GTPBP10: variants seen among roughly 807,000 people sequenced by gnomAD.
The protein encoded by GTPBP10 is GTP-binding protein 10.
In GTPBP10, 38 loss-of-function variants were observed where a neutral mutation model predicts 44.8. That is an observed-to-expected ratio of 0.85 (90% CI 0.65 to 1.11). The LOEUF (loss-of-function observed/expected upper bound fraction) is 1.11. Ranked by LOEUF, GTPBP10 falls within the 50% of genes most tolerant of loss-of-function variation. The probability of loss-of-function intolerance (pLI) is 0.00; values close to 1 mark genes in which losing one functional copy is unlikely to be tolerated. For missense variants in GTPBP10, 462 were observed against 453.7 expected, an observed-to-expected ratio of 1.02 and a Z score of -0.17; for synonymous variants, 152 against 150.6, an observed-to-expected ratio of 1.01 and a Z score of -0.07.
chr7:90,351,761 T>A (rs1342242324), intron 1 of GTPBP10, among the ~76,000 whole-genome samples: 1 of 152,176 alleles, frequency 6.6e-6, no homozygotes, highest in Non-Finnish European at 1.5e-5. Context: ...AGTGGCTTGA[T>A]CTCGGCCCAC....
Position 90,389,712 on chromosome 7 carries a change from A to G in GTPBP10, c.*4558A>G, listed in dbSNP as rs1354605667. On this transcript the variant is annotated 3_prime_UTR_variant, in exon 10 of 10. Coordinates refer to ENST00000222511, the MANE Select transcript of GTPBP10 (RefSeq NM_033107.4). ...TGGACAAAAAGTGTTGGCAGATAAC[A>G]TGCATAATTTTAATTAAAAGTTAAG... 1 of 144,756 alleles carries G rather than the reference A, an allele frequency of 6.9e-6. No homozygotes were observed. The highest frequency in any genetic ancestry group is 1.5e-5 in the Non-Finnish European group (1 of 65,572). 9.0% of individuals were successfully genotyped at this position (144,756 alleles called of 1,614,324 possible).
intron 2 of GTPBP10, 33 bp from the exon 3 acceptor site, chr7:90,354,415 TACACACACAC>T: frequency 2.1e-6 from 2 of 955,342 alleles, no homozygotes; most frequent in Middle Eastern, 5.4e-4. Flanking sequence ...TGTGTATATA[TACACACACAC>T]ATACATACAT....
In GTPBP10 at chr7:90,366,402, C is replaced by T. The variant is rs574762453; in HGVS notation, c.465-5753C>T. Among the ~76,000 whole-genome samples the T allele has an allele frequency of 3.1e-3, 467 of 152,202 alleles. 1 individual carries two copies. The highest frequency in any genetic ancestry group is 6.8e-3 in the Middle Eastern group (2 of 294). ...GTAGAATTGAGCTGTGAATCCACCT[C>T]GTCCTGGACTTTTTTTGGTTGGTAA... On this transcript the variant is annotated intron_variant, in intron 4 of 9. Coordinates refer to ENST00000222511, the MANE Select transcript of GTPBP10 (RefSeq NM_033107.4).
At chr7:90,359,368 A>G (rs1795969146) in intron 4 of GTPBP10, among the ~76,000 whole-genome samples, 2 of 150,338 alleles carry the variant, frequency 1.3e-5, no homozygotes, top group Admixed American at 1.3e-4. Flanking sequence ...TTCAGCTCCC[A>G]CTTAAGAGTG....
chr7:90,368,459 A>G (rs1351126708), intron 4 of GTPBP10, among the ~76,000 whole-genome samples: 3 of 152,004 alleles, frequency 2.0e-5, no homozygotes, highest in Non-Finnish European at 2.9e-5. Flanking sequence ...ACATAGTCCC[A>G]TATTTCTTGG....
chr7:90,372,375 G>T, intron 5 of GTPBP10, 147 bp downstream of exon 5: 1 of 560,830 alleles, frequency 1.8e-6, no homozygotes, highest in Non-Finnish European at 3.2e-6. Flanking sequence ...ACAGGCCAAA[G>T]TGCAGTTGCA....
intron 7 of GTPBP10, 57 bp downstream of exon 7, chr7:90,377,671 G>T (rs1796364054): frequency 8.3e-7 from 1 of 1,197,830 alleles, no homozygotes; most frequent in South Asian, 1.6e-5. Flanking sequence ...AGTGAATTTA[G>T]TTTTTCTAGA....
chr7:90,377,838 A>G (rs1274344778), intron 7 of GTPBP10: 1 of 244,232 alleles, frequency 4.1e-6, no homozygotes, highest in African/African-American at 2.3e-5. Flanking sequence ...ACCATATTAT[A>G]TAGTATCATA....
intron 4 of GTPBP10, 30 bp downstream of exon 4, chr7:90,355,260 A>G (rs751535394): frequency 1.5e-6 from 2 of 1,366,196 alleles, no homozygotes; most frequent in Non-Finnish European, 2.0e-6. Context: ...TTATTATTAT[A>G]CTTTCAGAGA....
intron 4 of GTPBP10, among the ~76,000 whole-genome samples, chr7:90,365,116 A>G (rs1265159325): frequency 6.6e-6 from 1 of 152,124 alleles, no homozygotes; most frequent in Non-Finnish European, 1.5e-5. Context: ...GCTCACACTC[A>G]GTGGGCTGCA....
chr7:90,352,706 A>C, intron 1 of GTPBP10, 110 bp from the exon 2 acceptor site: 1 of 717,896 alleles, frequency 1.4e-6, no homozygotes, highest in African/African-American at 1.8e-5. Flanking sequence ...GCATGTGAAA[A>C]GCTATTAACG....
At chr7:90,350,389 A>G (rs1215296080) in intron 1 of GTPBP10, among the ~76,000 whole-genome samples, 1 of 152,234 alleles carries the variant, frequency 6.6e-6, no homozygotes, top group Non-Finnish European at 1.5e-5. Context: ...TTATAGTGGC[A>G]TGATTTTTAA....
intron 4 of GTPBP10, among the ~76,000 whole-genome samples, chr7:90,364,784 G>C (rs1024605543): frequency 2.6e-5 from 4 of 152,180 alleles, no homozygotes; most frequent in Non-Finnish European, 5.9e-5. Flanking sequence ...CCTAGTTTGA[G>C]CTTCCAGGTG....
intron 4 of GTPBP10, among the ~76,000 whole-genome samples, chr7:90,367,763 G>A (rs756949986): frequency 1.3e-5 from 2 of 152,086 alleles, no homozygotes; most frequent in African/African-American, 2.4e-5. Flanking sequence ...TTTAATTGGG[G>A]CATTTAGCCC....
intron 4 of GTPBP10, among the ~76,000 whole-genome samples, chr7:90,364,934 C>T (rs957102053): frequency 6.6e-5 from 10 of 152,116 alleles, no homozygotes; most frequent in Admixed American, 2.0e-4. Context: ...AAGCCAGGTG[C>T]GGAATATAAT....
chr7:90,385,987 G>A lies in GTPBP10; in HGVS notation c.*833G>A, dbSNP rs1340608291. On this transcript the variant is annotated 3_prime_UTR_variant, in exon 10 of 10. Coordinates refer to ENST00000222511, the MANE Select transcript of GTPBP10 (RefSeq NM_033107.4). ...AGGCAGGAGAATTGCTTGAACGCGG[G>A]AGGTGGAGGATACAATGAACCCGAG... 6.6e-6 allele frequency: 1 copy of A among 152,052 alleles called. No individual in the cohort carries two copies. The highest frequency in any genetic ancestry group is 2.4e-5 in the African/African-American group (1 of 41,378). The allele number at this position is 152,052 out of a possible 1,614,324, so 9.4% of individuals were successfully genotyped here. A position where few individuals can be genotyped will look rare whatever the true frequency, so the allele number is the denominator to read the frequency against.
At chr7:90,380,592 G>C (rs1460746821) in intron 8 of GTPBP10, among the ~76,000 whole-genome samples, 2 of 152,098 alleles carry the variant, frequency 1.3e-5, no homozygotes, top group African/African-American at 4.8e-5. Context: ...TGTTTACCTT[G>C]TGAAATGATT....
chr7:90,386,834 A>G lies in GTPBP10; in HGVS notation c.*1680A>G, dbSNP rs905621119. On this transcript the variant is annotated 3_prime_UTR_variant, in exon 10 of 10. Transcript: ENST00000222511. ...TATAAAATGTACATATTGATTGTAA[A>G]AACAAAAAATTCAAATAGTACAAAA... is the stretch of plus-strand genomic sequence containing the variant. The G allele has an allele frequency of 6.6e-6, 1 of 152,242 alleles. No homozygotes were observed. The highest frequency in any genetic ancestry group is 2.4e-5 in the African/African-American group (1 of 41,462). The allele number at this position is 152,242 out of a possible 1,614,324, so 9.4% of individuals were successfully genotyped here. A position where few individuals can be genotyped will look rare whatever the true frequency, so the allele number is the denominator to read the frequency against.
rs17867623 is a variant in GTPBP10 at position 90,349,961 on chromosome 7, G to A, written c.34-2855G>A. ...TTATACTTTAAGTTCTAGGGTACAT[G>A]TACACAGCGTGCAGGTTTGTTACAT... On this transcript the variant is annotated intron_variant, in intron 1 of 9. Transcript: ENST00000222511. Among the ~76,000 whole-genome samples the A allele has an allele frequency of 7.3e-3, 1,109 of 151,224 alleles. 5 individuals carry two copies. The highest frequency in any genetic ancestry group is 0.013 in the Non-Finnish European group (851 of 67,876).
Sources: allele counts gnomAD v4.1 joint callset (sites outside exome capture counted in the v4.1 genomes callset), GRCh38; gene constraint gnomAD v4.1.1; transcripts MANE v1.5; gene names NCBI Gene and HGNC (gene_info 2026-07-23, HGNC 2026-07-21).